Variants in MAPK8IP3 observed in about 807,000 individuals in gnomAD.
MAPK8IP3 encodes C-Jun-amino-terminal kinase-interacting protein 3.
MAPK8IP3 carries 49 observed loss-of-function variants against 157.8 expected under a neutral mutation model. That is an observed-to-expected ratio of 0.31 (90% confidence interval 0.25 to 0.39). The LOEUF (loss-of-function observed/expected upper bound fraction) is 0.39, where lower values mean the gene tolerates loss of function less well. MAPK8IP3 is among the 10% of genes least tolerant of loss of function. The pLI, the probability that MAPK8IP3 is intolerant of heterozygous loss-of-function variation, is 1.00. For missense variants in MAPK8IP3, 1,478 were observed against 1,889.4 expected, an observed-to-expected ratio of 0.78 and a Z score of 4.04; for synonymous variants, 897 against 777.7, an observed-to-expected ratio of 1.15 and a Z score of -2.55.
In MAPK8IP3 at chr16:1,747,290, C is replaced by T. The variant is rs754310490; in HGVS notation, c.994+15C>T. The T allele has an allele frequency of 6.2e-7, 1 of 1,608,168 alleles. No homozygotes were observed. The highest frequency in any genetic ancestry group is 1.1e-5 in the South Asian group (1 of 90,954). On this transcript the variant is annotated intron_variant, in intron 6 of 31. Transcript: ENST00000610761. ...CGTCAGTATAGGTGGGTGCCCACCT[C>T]CGGGACTCTGGGCTCCCTCGGGCAG...
chr16:1,756,315 C>G (rs558857181), intron 8 of MAPK8IP3, among the ~76,000 whole-genome samples: 8 of 152,332 alleles, frequency 5.3e-5, no homozygotes, highest in Admixed American at 2.0e-4. Context: ...AAGTTCAAGA[C>G]CAGCCTGGGC....
At chr16:1,748,075 G>A (rs1258383220) in intron 6 of MAPK8IP3, among the ~76,000 whole-genome samples, 169 bp from the exon 7 acceptor site, 3 of 152,192 alleles carry the variant, frequency 2.0e-5, no homozygotes, top group Non-Finnish European at 4.4e-5. Context: ...TACTGTGCTG[G>A]GGTTCGACCT....
At chr16:1,744,493 C>T (rs1364190968) in intron 5 of MAPK8IP3, 2 of 985,522 alleles carry the variant, frequency 2.0e-6, no homozygotes, top group African/African-American at 1.7e-5. Context: ...GGAACGCTCT[C>T]CTGTCCTCCC....
At chr16:1,715,171 TC>T (rs1567137397) in intron 1 of MAPK8IP3, among the ~76,000 whole-genome samples, 1 of 152,166 alleles carries the variant, frequency 6.6e-6, no homozygotes, top group Non-Finnish European at 1.5e-5. Flanking sequence ...AACCCAGCCA[TC>T]CCTTTCACAG....
At chr16:1,733,792 G>A (rs906585783) in intron 4 of MAPK8IP3, among the ~76,000 whole-genome samples, 3 of 152,218 alleles carry the variant, frequency 2.0e-5, no homozygotes, top group Non-Finnish European at 2.9e-5. Flanking sequence ...GGAACCAGAC[G>A]GTGCCCTCTG....
At chr16:1,725,453 C>T (rs2038815367) in intron 2 of MAPK8IP3, among the ~76,000 whole-genome samples, 1 of 150,596 alleles carries the variant, frequency 6.6e-6, no homozygotes, top group African/African-American at 2.4e-5. Context: ...CATGGCGAAA[C>T]CCCGTCTCTA....
chr16:1,739,795 CGT>C (rs2040516338), intron 4 of MAPK8IP3, among the ~76,000 whole-genome samples: 1 of 95,982 alleles, frequency 1.0e-5, no homozygotes, highest in Non-Finnish European at 2.0e-5. Flanking sequence ...TGTGAGCATC[CGT>C]GTGACCATCC....
At chr16:1,763,616 T>C in intron 16 of MAPK8IP3, 41 bp from the exon 17 acceptor site, 1 of 1,481,526 alleles carries the variant, frequency 6.7e-7, no homozygotes. Flanking sequence ...TGGGGGCCGC[T>C]CACCCTGGAC....
chr16:1,764,442 T>A lies in MAPK8IP3; in HGVS notation c.2263T>A (p.Ser755Thr). The change falls in exon 19 of 32, where the codon TCT becomes ACT. Residue 755 changes from serine to threonine, a missense_variant. Physicochemically the swap from Ser to Thr is moderately conservative, Grantham distance 58 (BLOSUM62 1). Around this residue, in one of 11 missense-constraint regions of MAPK8IP3, gnomAD observed 669 missense variants for 759.8 expected, o/e 0.88. Transcript: ENST00000610761. ...CGGCGAGCCCAAGAGCGCCCACACGTCTCCCGAGAAGAAGAAGGTGAGCAT... is the reference window on the plus strand; with the variant it reads ...CGGCGAGCCCAAGAGCGCCCACACGACTCCCGAGAAGAAGAAGGTGAGCAT... ...GDGEPKSAHTSPEKKKAKELP... is the reference protein window; with the variant it reads ...GDGEPKSAHTTPEKKKAKELP... 1 of 1,608,276 alleles carries A rather than the reference T, an allele frequency of 6.2e-7. No homozygotes were observed. The highest frequency in any genetic ancestry group is 8.5e-7 in the Non-Finnish European group (1 of 1,178,952).
In MAPK8IP3 at chr16:1,768,062, T is replaced by C; in HGVS notation, c.3524-7T>C. 6.2e-7 allele frequency: 1 copy of C among 1,612,330 alleles called. No homozygotes were observed. Among genetic ancestry groups the C allele is most frequent in the Non-Finnish European group, 8.5e-7 (1 of 1,179,962 alleles). ...CCTCTTCTCCCATGCTCCTCCCATG[T>C]CCCCAGCTGTGGTCCTGCACCGAGG... On this transcript the variant is annotated splice_region_variant and splice_polypyrimidine_tract_variant and intron_variant, in intron 28 of 31. Coordinates refer to ENST00000610761, the MANE Select transcript of MAPK8IP3 (RefSeq NM_001318852.2).
At chr16:1,767,978 G>T (rs572508862) in intron 28 of MAPK8IP3, 60 bp downstream of exon 28, 1 of 1,606,618 alleles carries the variant, frequency 6.2e-7, no homozygotes, top group East Asian at 2.2e-5. Context: ...GTGGGTTCAC[G>T]GGGTGGCTCT....
rs141640625 is a variant in MAPK8IP3 at position 1,720,734 on chromosome 16, T to G, written c.319-3823T>G. Reference sequence around the variant, plus strand: ...ATAACAGGAAATAAACTTACCTACTTTAAAAAATATCCAGGCCAGGCCGGG... The same window carrying G: ...ATAACAGGAAATAAACTTACCTACTGTAAAAAATATCCAGGCCAGGCCGGG... On this transcript the variant is annotated intron_variant, in intron 1 of 31. Transcript: ENST00000610761. Among the ~76,000 whole-genome samples the G allele has an allele frequency of 4.9e-4, 75 of 152,278 alleles. 1 individual carries two copies. The highest frequency in any genetic ancestry group is 1.7e-3 in the African/African-American group (70 of 41,558).
At chr16:1,727,603 G>A (rs1426665743) in intron 2 of MAPK8IP3, among the ~76,000 whole-genome samples, 1 of 152,238 alleles carries the variant, frequency 6.6e-6, no homozygotes, top group East Asian at 1.9e-4. Context: ...GTGAGGTGCT[G>A]TGTCTAAGTC....
In MAPK8IP3 at chr16:1,763,741, T is replaced by TCTGCAGGC; in HGVS notation, c.1988_1995dup (p.Gly666ArgfsTer14). On this transcript the variant is annotated frameshift_variant, in exon 17 of 32. Coordinates refer to ENST00000610761, the MANE Select transcript of MAPK8IP3 (RefSeq NM_001318852.2). LOFTEE classifies it high-confidence loss of function. Reference sequence around the variant, plus strand: ...AGCACGTGCGTAACGACGACGGCCGTCTGCAGGCCTGCGGCTGGAGCCTGC... The same window carrying TCTGCAGGC: ...AGCACGTGCGTAACGACGACGGCCGTCTGCAGGCCTGCAGGCCTGCGGCTGGAGCCTGC... 6.3e-7 allele frequency: 1 copy of TCTGCAGGC among 1,590,908 alleles called. No homozygotes were observed. Among genetic ancestry groups the TCTGCAGGC allele is most frequent in the Non-Finnish European group, 8.6e-7 (1 of 1,167,468 alleles).
At chr16:1,738,397 CGT>C (rs1478017474) in intron 4 of MAPK8IP3, among the ~76,000 whole-genome samples, 4 of 84,522 alleles carry the variant, frequency 4.7e-5, no homozygotes, top group East Asian at 8.7e-4. Context: ...TCCGTGTGAC[CGT>C]GTGAGCGTCC....
At chr16:1,746,946 C>T (rs578003096) in intron 5 of MAPK8IP3, 83 bp from the exon 6 acceptor site, 218 of 1,496,094 alleles carry the variant, frequency 1.5e-4, no homozygotes, top group East Asian at 3.8e-4. Context: ...CATTGGTGCG[C>T]GGGGCCTCAG....
chr16:1,740,231 T>C (rs1423985707), intron 4 of MAPK8IP3, among the ~76,000 whole-genome samples: 1 of 142,744 alleles, frequency 7.0e-6, no homozygotes, highest in African/African-American at 2.6e-5. Flanking sequence ...TGACCGTCCG[T>C]GTGAGCATCT....
chr16:1,767,767 T>G lies in MAPK8IP3; in HGVS notation c.3409+32T>G, dbSNP rs2076428. The G allele has an allele frequency of 0.79, 1,275,045 of 1,611,290 alleles. 506,265 individuals carry two copies. Among genetic ancestry groups the G allele is most frequent in the Admixed American group, 0.88 (52,868 of 59,974 alleles). On this transcript the variant is annotated intron_variant, in intron 27 of 31. Transcript: ENST00000610761. ...GGCCACGCCAGATGGGGTGGTGGGG[T>G]GCTCAAGGCCAGCCACCCTGACCGC... is the stretch of plus-strand genomic sequence containing the variant.
chr16:1,747,124 G>T lies in MAPK8IP3; in HGVS notation c.843G>T (p.Val281=), dbSNP rs1239183139. Residue 281 remains valine, a synonymous_variant, in exon 6 of 32, where the codon GTG becomes GTT. Coordinates refer to ENST00000610761, the MANE Select transcript of MAPK8IP3 (RefSeq NM_001318852.2). ...GTKSNTPTSS[V]PSAAVTPLNE... ...AGTCCAACACGCCCACATCCTCCGT[G>T]CCCTCGGCCGCCGTCACACCCCTCA... The T allele has an allele frequency of 6.2e-7, 1 of 1,613,778 alleles. No individual in the cohort carries two copies. The highest frequency in any genetic ancestry group is 8.5e-7 in the Non-Finnish European group (1 of 1,179,956).
Sources: gnomAD v4.1 joint callset for allele counts (sites outside exome capture counted in the v4.1 genomes callset) on GRCh38, gnomAD v4.1.1 for gene constraint, gnomAD v4.1.1 regional missense constraint, MANE v1.5 for transcripts, NCBI Gene and HGNC (gene_info 2026-07-23, HGNC 2026-07-21) for gene names.